CCDC178: variants seen among roughly 807,000 people sequenced by gnomAD.
The protein encoded by CCDC178 is coiled-coil domain containing 178, also known as coiled-coil domain-containing protein 178.
A neutral mutation model predicts 117.4 loss-of-function variants in CCDC178; 126 were observed. The ratio of observed to expected loss-of-function variants is 1.07; its 90% CI spans 0.93 to 1.24. The LOEUF (loss-of-function observed/expected upper bound fraction) is 1.24, where lower values mean the gene tolerates loss of function less well. CCDC178 is among the 50% of genes most tolerant of loss of function. CCDC178 has a pLI of 0.00. For missense variants in CCDC178, 1,030 were observed against 986.9 expected, an observed-to-expected ratio of 1.04 and a Z score of -0.59; for synonymous variants, 283 against 313.4, an observed-to-expected ratio of 0.90 and a Z score of 1.02.
At chr18:33,130,848 T>C (rs1204406381) in intron 20 of CCDC178, among the ~76,000 whole-genome samples, 1 of 151,994 alleles carries the variant, frequency 6.6e-6, no homozygotes, top group Non-Finnish European at 1.5e-5. Flanking sequence ...ACAAACTGTG[T>C]ATTTCCTTTC....
At chr18:33,046,931 C>T (rs1295494543) in intron 21 of CCDC178, among the ~76,000 whole-genome samples, 1 of 152,158 alleles carries the variant, frequency 6.6e-6, no homozygotes, top group Admixed American at 6.6e-5. Context: ...TTGTATTTGA[C>T]TGACTCTAAC....
intron 21 of CCDC178, among the ~76,000 whole-genome samples, chr18:33,003,221 C>CAA (rs202160782): frequency 6.6e-6 from 1 of 150,890 alleles, no homozygotes; most frequent in Non-Finnish European, 1.5e-5. Flanking sequence ...AAAGATGCAC[C>CAA]AAAAAAAAGA....
intron 21 of CCDC178, among the ~76,000 whole-genome samples, chr18:33,011,720 T>G (rs1400083345): frequency 7.2e-6 from 1 of 138,218 alleles, no homozygotes; most frequent in Non-Finnish European, 1.5e-5. Context: ...CAGGAAGGGT[T>G]TTGGCAAACA....
intron 14 of CCDC178, among the ~76,000 whole-genome samples, chr18:33,260,603 T>C (rs1196558669): frequency 6.6e-6 from 1 of 150,644 alleles, no homozygotes. Context: ...GAATGTTTAT[T>C]CATCAGTTTT....
chr18:33,389,545 G>T lies in CCDC178; in HGVS notation c.203C>A (p.Thr68Asn). ...GATTTACATTCAGTCCTCACCTTCA[G>T]TATTTGTCATTTTACTTTCATGAAA... is the stretch of plus-strand genomic sequence containing the variant. ...EGFHESKMTN[T>N]EGVNKGIYFS... is the part of the protein sequence containing the mutation. The change falls in exon 5 of 23, where the codon ACT becomes AAT. Residue 68 changes from threonine to asparagine, a missense_variant. Thr to Asn is a moderately conservative substitution (Grantham distance 65). Transcript: ENST00000383096. 2 of 1,492,242 alleles carry T rather than the reference G, an allele frequency of 1.3e-6. No homozygotes were observed. Among genetic ancestry groups the T allele is most frequent in the East Asian group, 2.5e-5 (1 of 40,750 alleles). 92.4% of individuals were successfully genotyped at this position (1,492,242 alleles called of 1,614,324 possible). A position where few individuals can be genotyped will look rare whatever the true frequency, so the allele number is the denominator to read the frequency against.
intron 21 of CCDC178, among the ~76,000 whole-genome samples, chr18:32,986,325 C>T (rs2055262369): frequency 1.3e-5 from 2 of 152,142 alleles, no homozygotes; most frequent in Admixed American, 1.3e-4. Context: ...ACTCTCTAAG[C>T]CTAGAGTAGA....
At position 33,164,103 on chromosome 18, in the gene CCDC178, C is replaced by CTT. The variant is rs34932085; in HGVS notation, c.2238+47791_2238+47792dup. Among the ~76,000 whole-genome samples the CTT allele has an allele frequency of 3.5e-3, 390 of 111,326 alleles. 1 individual carries two copies. Among genetic ancestry groups the CTT allele is most frequent in the African/African-American group, 0.01 (304 of 30,234 alleles). The allele number at this position is 111,326 out of a possible 152,430, so 73.0% of individuals were successfully genotyped here. Reference sequence around the variant, plus strand: ...TTTGTTCTCAGGATCCGCTTACATTCTTTTTTTTTTTTTTTTTTTTTTAAA... The same window carrying CTT: ...TTTGTTCTCAGGATCCGCTTACATTCTTTTTTTTTTTTTTTTTTTTTTTTAAA... On this transcript the variant is annotated intron_variant, in intron 20 of 22. Coordinates refer to ENST00000383096, the MANE Select transcript of CCDC178 (RefSeq NM_001105528.4).
intron 14 of CCDC178, among the ~76,000 whole-genome samples, chr18:33,266,485 G>A (rs1268294050): frequency 1.3e-4 from 20 of 151,614 alleles, no homozygotes; most frequent in African/African-American, 4.9e-4. Flanking sequence ...TCAAAAAGAG[G>A]TAAGATAAGG....
intron 3 of CCDC178, among the ~76,000 whole-genome samples, chr18:33,406,851 A>T (rs1046227421): frequency 1.3e-5 from 2 of 152,202 alleles, no homozygotes; most frequent in Non-Finnish European, 2.9e-5. Flanking sequence ...AAATTCTGGC[A>T]AACATACTAA....
At chr18:33,116,539 T>G (rs111810580) in intron 20 of CCDC178, among the ~76,000 whole-genome samples, 3 of 152,256 alleles carry the variant, frequency 2.0e-5, no homozygotes, top group South Asian at 2.1e-4. Flanking sequence ...AGGTGGCAGC[T>G]GGAGTGAGTT....
intron 22 of CCDC178, among the ~76,000 whole-genome samples, chr18:32,967,723 CT>C (rs544144907): frequency 1.0e-4 from 15 of 150,558 alleles, no homozygotes; most frequent in East Asian, 2.0e-4. Context: ...TTTTATGGTA[CT>C]TTTTTTTCTC....
intron 7 of CCDC178, among the ~76,000 whole-genome samples, chr18:33,351,381 C>G (rs976499911): frequency 6.6e-6 from 1 of 151,928 alleles, no homozygotes; most frequent in African/African-American, 2.4e-5. Flanking sequence ...TTAGTAGAGA[C>G]GGGGTTTCAC....
intron 12 of CCDC178, among the ~76,000 whole-genome samples, chr18:33,282,317 G>C (rs866573533): frequency 6.6e-6 from 1 of 152,176 alleles, no homozygotes; most frequent in African/African-American, 2.4e-5. Flanking sequence ...GGTTTGGAGC[G>C]AGAGCATCTG....
chr18:33,073,551 C>CTA (rs3044485), intron 21 of CCDC178, among the ~76,000 whole-genome samples: 1 of 106,966 alleles, frequency 9.3e-6, no homozygotes, highest in African/African-American at 3.8e-5. Context: ...ATCTATCTAT[C>CTA]TATATATATA....
rs375765310 is a variant in CCDC178, at chr18:33,213,357, C to G, written c.2079-1302G>C. On this transcript the variant is annotated intron_variant, in intron 19 of 22. Transcript: ENST00000383096. ...CTCTTCTTCTACAGGAAATAAGGTT[C>G]TTCTCCTCTTTCATCTATCTTGCCC... is the stretch of plus-strand genomic sequence containing the variant. 4.0e-5 allele frequency among the ~76,000 whole-genome samples: 6 copies of G among 151,892 alleles called. No homozygotes were observed. The East Asian group carries it at 9.7e-4, about 24-fold the overall frequency.
intron 3 of CCDC178, among the ~76,000 whole-genome samples, chr18:33,401,469 T>C (rs897784062): frequency 6.6e-6 from 1 of 152,210 alleles, no homozygotes; most frequent in Non-Finnish European, 1.5e-5. Context: ...CTCTAATTCA[T>C]GTTTCTGCCT....
chr18:33,349,043 G>T, intron 7 of CCDC178, 68 bp from the exon 8 acceptor site: 1 of 905,572 alleles, frequency 1.1e-6, no homozygotes, highest in Non-Finnish European at 1.7e-6. Flanking sequence ...TTTAGGTTAT[G>T]CTCTTCTATT....
intron 5 of CCDC178, among the ~76,000 whole-genome samples, chr18:33,385,062 A>G (rs1470965608): frequency 6.6e-6 from 1 of 152,210 alleles, no homozygotes; most frequent in Non-Finnish European, 1.5e-5. Context: ...CAGAGGTTGC[A>G]ATTGTAGTTT....
intron 5 of CCDC178, among the ~76,000 whole-genome samples, chr18:33,376,294 A>G (rs376290034): frequency 4.1e-4 from 63 of 152,214 alleles, no homozygotes; most frequent in African/African-American, 1.4e-3. Flanking sequence ...GGAGGGCGTG[A>G]GCAGGAGGGG....
Sources: gnomAD v4.1 joint callset for allele counts (sites outside exome capture counted in the v4.1 genomes callset) on GRCh38, gnomAD v4.1.1 for gene constraint, MANE v1.5 for transcripts, NCBI Gene and HGNC (gene_info 2026-07-23, HGNC 2026-07-21) for gene names.